The following AGTPBP1 variants were observed in gnomAD, a reference collection of about 807,000 sequenced individuals.
AGTPBP1 encodes the protein cytosolic carboxypeptidase 1.
Under a neutral mutation model 143.9 loss-of-function variants are expected in AGTPBP1, and 70 were observed. The observed-to-expected ratio is 0.49, with a 90% CI of 0.40 to 0.59. AGTPBP1 has a LOEUF of 0.59. AGTPBP1 is among the 20% of genes least tolerant of loss of function. The probability of loss-of-function intolerance (pLI) is 0.00; values close to 1 mark genes in which losing one functional copy is unlikely to be tolerated. For missense variants in AGTPBP1, 1,229 were observed against 1,464.5 expected (o/e 0.84, Z 2.62); for synonymous variants, 463 against 500.2 (o/e 0.93, Z 0.99).
intron 17 of AGTPBP1, among the ~76,000 whole-genome samples, chr9:85,602,296 A>G (rs1251429962): frequency 6.6e-6 from 1 of 152,222 alleles, no homozygotes; most frequent in Non-Finnish European, 1.5e-5. Context: ...CAAAACAGAT[A>G]TCATTTTTTA....
At position 85,603,054 on chromosome 9, in the gene AGTPBP1, G is replaced by A. The variant is rs1362897226; in HGVS notation, c.2336-6605C>T. ...CCACCGAAGGCTAAGGCACTCTGGC[G>A]TCCTACATAAACTTGAAAGGCAGTC... On this transcript the variant is annotated intron_variant, in intron 17 of 25. Transcript: ENST00000357081. Among the ~76,000 whole-genome samples the A allele has an allele frequency of 3.3e-5, 5 of 152,168 alleles. No homozygotes were observed. In the East Asian group the frequency reaches 7.7e-4, roughly 23 times the overall value.
intron 8 of AGTPBP1, among the ~76,000 whole-genome samples, chr9:85,668,353 A>G (rs965196358): frequency 3.3e-5 from 5 of 151,920 alleles, no homozygotes; most frequent in Non-Finnish European, 7.4e-5. Context: ...TTAAGTAAGT[A>G]TCAGGAGGGA....
At chr9:85,759,678 T>C in the AGTPBP1 span, among the ~76,000 whole-genome samples, 6 of 152,144 alleles carry the variant, frequency 3.9e-5, no homozygotes, top group African/African-American at 1.4e-4. Flanking sequence ...AGGAAAGATC[T>C]AAAATTAACA....
In AGTPBP1 at chr9:85,672,730, TA is replaced by T. The variant is rs1834567917; in HGVS notation, c.437-50del. The stretch of plus-strand genomic sequence containing the variant: ...TTTATGCACATACAACTTTTCTTTT[TA>T]ATTTTTTTTTTTTTTTTTTTTGAGA... On this transcript the variant is annotated intron_variant, in intron 6 of 25. Coordinates refer to ENST00000357081, the MANE Select transcript of AGTPBP1 (RefSeq NM_001330701.2). 10 of 1,413,790 alleles carry T rather than the reference TA, an allele frequency of 7.1e-6. No individual in the cohort carries two copies. In the East Asian group the frequency reaches 1.2e-4, roughly 17 times the overall value. 87.6% of individuals were successfully genotyped at this position (1,413,790 alleles called of 1,614,324 possible). A position where few individuals can be genotyped will look rare whatever the true frequency, so the allele number is the denominator to read the frequency against.
intron 13 of AGTPBP1, among the ~76,000 whole-genome samples, chr9:85,639,353 ATGCGCGCGCACGCG>A (rs1832301437): frequency 7.3e-6 from 1 of 137,258 alleles, no homozygotes; most frequent in Non-Finnish European, 1.6e-5. Context: ...ACACACACCC[ATGCGCGCGCACGCG>A]CACACACACA....
At chr9:85,741,090 G>C (rs1032869057) in intron 1 of AGTPBP1, among the ~76,000 whole-genome samples, 2 of 152,180 alleles carry the variant, frequency 1.3e-5, no homozygotes, top group Admixed American at 1.3e-4. Flanking sequence ...ACTTGCAATT[G>C]AGAACCCGCA....
chr9:85,604,287 T>C (rs960893421), intron 17 of AGTPBP1, among the ~76,000 whole-genome samples: 2 of 152,182 alleles, frequency 1.3e-5, no homozygotes, highest in African/African-American at 4.8e-5. Flanking sequence ...AGACTCTGTT[T>C]GGGAGAAAGT....
intron 7 of AGTPBP1, among the ~76,000 whole-genome samples, chr9:85,672,126 A>G (rs192204196): frequency 1.0e-3 from 159 of 151,840 alleles, no homozygotes; most frequent in Middle Eastern, 3.4e-3. Context: ...GCTGGAGTGC[A>G]ATGGCACAAT....
chr9:85,608,527 T>C (rs1830122217), intron 17 of AGTPBP1, among the ~76,000 whole-genome samples: 1 of 152,066 alleles, frequency 6.6e-6, no homozygotes, highest in Non-Finnish European at 1.5e-5. Context: ...GTGAAGAAGA[T>C]ATATTCTTTA....
intron 11 of AGTPBP1, among the ~76,000 whole-genome samples, chr9:85,647,782 A>C (rs568557943): frequency 2.6e-5 from 4 of 152,230 alleles, no homozygotes; most frequent in African/African-American, 9.6e-5. Context: ...TACTAAAATA[A>C]GGAAGTGAAA....
At chr9:85,804,386 A>C in the AGTPBP1 span, among the ~76,000 whole-genome samples, 1 of 152,040 alleles carries the variant, frequency 6.6e-6, no homozygotes, top group Non-Finnish European at 1.5e-5. Flanking sequence ...CTACTCCTTC[A>C]TGCTGCGTTT....
intron 17 of AGTPBP1, among the ~76,000 whole-genome samples, chr9:85,614,298 A>T (rs979461067): frequency 6.6e-6 from 1 of 152,036 alleles, no homozygotes; most frequent in African/African-American, 2.4e-5. Flanking sequence ...AACTGTAACA[A>T]CTAATAAAAA....
At chr9:85,585,401 C>G (rs1480494314) in intron 23 of AGTPBP1, 62 bp downstream of exon 23, 1 of 1,425,900 alleles carries the variant, frequency 7.0e-7, no homozygotes, top group South Asian at 1.7e-5. Context: ...CATATATGTT[C>G]TTTTCTGTAC....
At chr9:85,768,997 T>C in the AGTPBP1 span, among the ~76,000 whole-genome samples, 4 of 146,138 alleles carry the variant, frequency 2.7e-5, no homozygotes, top group East Asian at 8.0e-4. Context: ...TGCAGTGAGC[T>C]GAGATCCCAC....
At chr9:85,553,437 AG>A (rs1225933624) in intron 25 of AGTPBP1, among the ~76,000 whole-genome samples, 1 of 152,234 alleles carries the variant, frequency 6.6e-6, no homozygotes, top group African/African-American at 2.4e-5. Context: ...GCCTGACTGC[AG>A]GCTACTGTTT....
At chr9:85,709,879 A>T (rs1837257592) in intron 2 of AGTPBP1, among the ~76,000 whole-genome samples, 1 of 152,150 alleles carries the variant, frequency 6.6e-6, no homozygotes, top group African/African-American at 2.4e-5. Flanking sequence ...TGCTTCTTTG[A>T]TTTAAATTGC....
chr9:85,572,900 T>C (rs1322758711), intron 25 of AGTPBP1, among the ~76,000 whole-genome samples: 2 of 152,178 alleles, frequency 1.3e-5, no homozygotes, highest in East Asian at 1.9e-4. Flanking sequence ...AAAACTACTA[T>C]ACTGACATAT....
the AGTPBP1 span, among the ~76,000 whole-genome samples, chr9:85,789,075 AAAC>A: frequency 1.3e-5 from 2 of 150,912 alleles, no homozygotes; most frequent in South Asian, 2.1e-4. Flanking sequence ...ATTTATATCA[AAAC>A]AACGATTAGG....
the AGTPBP1 span, among the ~76,000 whole-genome samples, chr9:85,772,088 G>A: frequency 2.0e-3 from 302 of 150,836 alleles, 1 homozygote; most frequent in Non-Finnish European, 3.3e-3. Flanking sequence ...CAATTCTCCT[G>A]CCTCAGCCTC....
Sources: gnomAD v4.1 joint callset for allele counts (sites outside exome capture counted in the v4.1 genomes callset) on GRCh38, gnomAD v4.1.1 for gene constraint, MANE v1.5 for transcripts, NCBI Gene and HGNC (gene_info 2026-07-23, HGNC 2026-07-21) for gene names.